Variants in PKM observed in about 807,000 individuals in gnomAD.
PKM encodes the protein pyruvate kinase M1/2.
In PKM, 18 loss-of-function variants were observed where a neutral mutation model predicts 49.8. The observed-to-expected ratio is 0.36, with a 90% CI of 0.25 to 0.54. The LOEUF is 0.54. Among genes scored for constraint, PKM ranks in the 20% least tolerant of loss-of-function variants. PKM has a pLI of 0.89. For synonymous variants in PKM, 239 were observed against 261.8 expected (o/e 0.91, Z 0.84); for missense variants, 508 against 713.8 (o/e 0.71, Z 3.28).
chr15:72,208,291 T>C (rs912889250), intron 6 of PKM, among the ~76,000 whole-genome samples: 10 of 152,188 alleles, frequency 6.6e-5, no homozygotes, highest in African/African-American at 2.2e-4. Context: ...ACACTGGTAG[T>C]GTTTCTGATC....
intron 4 of PKM, chr15:72,210,070 G>A: frequency 1.6e-6 from 1 of 626,700 alleles, no homozygotes; most frequent in Non-Finnish European, 2.8e-6. Context: ...TTAATGATGG[G>A]GAAAAAGATA....
At chr15:72,230,431 C>G (rs1487663920) in intron 1 of PKM, among the ~76,000 whole-genome samples, 1 of 152,172 alleles carries the variant, frequency 6.6e-6, no homozygotes, top group Non-Finnish European at 1.5e-5. Flanking sequence ...TGGGACCGCG[C>G]TCGGAGACCG....
chr15:72,199,611 G>T lies in PKM; in HGVS notation c.*39C>A, dbSNP rs11558374. The stretch of plus-strand genomic sequence containing the variant: ...GGCCTAATGGATGGGCTGGGGGAAG[G>T]GGGTGGGACAGGGGCTGGAGGAGGG... On this transcript the variant is annotated 3_prime_UTR_variant, in exon 11 of 11. Coordinates refer to ENST00000335181, the MANE Select transcript of PKM (RefSeq NM_002654.6). 5.8e-3 allele frequency: 8,136 copies of T among 1,401,414 alleles called. 42 individuals are homozygous for T. The highest frequency in any genetic ancestry group is 0.018 in the Middle Eastern group (102 of 5,648). The allele number at this position is 1,401,414 out of a possible 1,614,324, so 86.8% of individuals were successfully genotyped here.
At chr15:72,231,572 C>G (rs1346964313), upstream of PKM, 2 of 152,556 alleles carry the variant, frequency 1.3e-5, no homozygotes, top group African/African-American at 2.4e-5. Flanking sequence ...GCTCTCGGCC[C>G]AGGCCACCCC....
intron 1 of PKM, 70 bp from the exon 2 acceptor site, chr15:72,219,180 G>C: frequency 7.3e-7 from 1 of 1,378,792 alleles, no homozygotes; most frequent in Middle Eastern, 2.5e-4. Context: ...AGCACAGAAG[G>C]CTGTCTCCTG....
At chr15:72,203,482 C>A in intron 8 of PKM, 1 of 441,004 alleles carries the variant, frequency 2.3e-6, no homozygotes, top group Non-Finnish European at 4.2e-6. Context: ...AGCACCCTGG[C>A]ATGAAAACAT....
At chr15:72,203,245 AGACACAACACAT>A in intron 8 of PKM, 1 of 1,444,146 alleles carries the variant, frequency 6.9e-7, no homozygotes, top group Non-Finnish European at 9.7e-7. Context: ...GAAAAAAACG[AGACACAACACAT>A]GGGAAGACAG....
intron 6 of PKM, among the ~76,000 whole-genome samples, 179 bp downstream of exon 6, chr15:72,208,428 AAAAAACAAAAAAAC>A (rs1429405958): frequency 1.1e-4 from 17 of 152,048 alleles, no homozygotes; most frequent in African/African-American, 4.1e-4. Flanking sequence ...TTTTTTTTAA[AAAAAACAAAAAAAC>A]AAAAACAAAA....
chr15:72,217,245 CAA>C (rs1189383040), intron 3 of PKM, among the ~76,000 whole-genome samples, 162 bp downstream of exon 3: 1 of 152,176 alleles, frequency 6.6e-6, no homozygotes. Context: ...TTTGTCAGGA[CAA>C]GAGGGAAGGA....
Position 72,202,679 on chromosome 15 carries a change from T to C in PKM, c.1141-59A>G. On this transcript the variant is annotated intron_variant, in intron 8 of 10. Transcript: ENST00000335181. The surrounding 1 kb of genome is among the most constrained non-coding windows in gnomAD (Gnocchi z 4.5). Reference sequence around the variant, plus strand: ...GGGGGACAGAGCTTTGTCAGAGCTTTGTCACAAAAGGAGAGGGAGGGGAAG... The same window carrying C: ...GGGGGACAGAGCTTTGTCAGAGCTTCGTCACAAAAGGAGAGGGAGGGGAAG... The C allele has an allele frequency of 6.7e-7, 1 of 1,486,704 alleles. No individual in the cohort carries two copies. Among genetic ancestry groups the C allele is most frequent in the East Asian group, 2.3e-5 (1 of 42,644 alleles). 92.1% of individuals were successfully genotyped at this position (1,486,704 alleles called of 1,614,324 possible).
At chr15:72,230,818 A>C in intron 1 of PKM, 1 of 655,664 alleles carries the variant, frequency 1.5e-6, no homozygotes, top group South Asian at 1.6e-5. Flanking sequence ...ATGGAGGCGC[A>C]TTGAGGATTG....
chr15:72,221,233 T>C (rs763348959), intron 1 of PKM: 63 of 1,535,484 alleles, frequency 4.1e-5, no homozygotes, highest in Non-Finnish European at 5.2e-5. Flanking sequence ...GGTGGCTCCT[T>C]GGCCTCACTA....
At chr15:72,210,814 T>C (rs2082232299) in intron 3 of PKM, among the ~76,000 whole-genome samples, 1 of 152,178 alleles carries the variant, frequency 6.6e-6, no homozygotes, top group Non-Finnish European at 1.5e-5. Context: ...AGGGCTGTTC[T>C]TTTTTCCCTA....
At chr15:72,217,258 G>A in intron 3 of PKM, 151 bp downstream of exon 3, 1 of 660,308 alleles carries the variant, frequency 1.5e-6, no homozygotes, top group South Asian at 1.6e-5. Flanking sequence ...GAGGGAAGGA[G>A]AGTAGGGATG....
chr15:72,227,744 C>CAAAAAAAAAAAAAAA lies in PKM; in HGVS notation c.-14+3357_-14+3371dup, dbSNP rs34876633. Reference sequence around the variant, plus strand: ...CTGGGCAACAAGAGCAAAACTATCTCAAAAAAAAAAAAAAAAAAAAAAAAA... The same window carrying CAAAAAAAAAAAAAAA: ...CTGGGCAACAAGAGCAAAACTATCTCAAAAAAAAAAAAAAAAAAAAAAAAAAAAAAAAAAAAAAAA... On this transcript the variant is annotated intron_variant, in intron 1 of 10. Transcript: ENST00000335181. 3.7e-4 allele frequency among the ~76,000 whole-genome samples: 4 copies of CAAAAAAAAAAAAAAA among 10,808 alleles called. 1 individual carries two copies. The highest frequency in any genetic ancestry group is 7.0e-4 in the Non-Finnish European group (4 of 5,676). The allele number at this position is 10,808 out of a possible 152,430, so 7.1% of individuals were successfully genotyped here.
intron 2 of PKM, among the ~76,000 whole-genome samples, chr15:72,217,872 AG>A (rs1425968318): frequency 6.6e-6 from 1 of 152,252 alleles, no homozygotes; most frequent in Non-Finnish European, 1.5e-5. Context: ...AGACCTGCTA[AG>A]GAAAACATCT....
At position 72,210,019 on chromosome 15, in the gene PKM, CG is replaced by C; in HGVS notation, c.379-161del. On this transcript the variant is annotated intron_variant, in intron 4 of 10. Coordinates refer to ENST00000335181, the MANE Select transcript of PKM (RefSeq NM_002654.6). ...TTATTCTCTAACTCTGTATACTTCA[CG>C]GAAATAATCCAAGAAAAGAATATGT... 6 of 694,028 alleles carry C rather than the reference CG, an allele frequency of 8.6e-6. No individual in the cohort carries two copies. In the South Asian group the frequency reaches 9.3e-5, roughly 11 times the overall value. The allele number at this position is 694,028 out of a possible 1,614,324, so 43.0% of individuals were successfully genotyped here. A position where few individuals can be genotyped will look rare whatever the true frequency, so the allele number is the denominator to read the frequency against.
intron 6 of PKM, 108 bp downstream of exon 6, chr15:72,208,513 G>T: frequency 2.6e-6 from 3 of 1,135,134 alleles, no homozygotes; most frequent in Non-Finnish European, 2.7e-6. Context: ...AACTGGCTTG[G>T]GAGTCTACAT....
Sources: allele counts gnomAD v4.1 joint callset (sites outside exome capture counted in the v4.1 genomes callset), GRCh38; gene constraint gnomAD v4.1.1; non-coding constraint Gnocchi (gnomAD v3.1); transcripts MANE v1.5; gene names NCBI Gene and HGNC (gene_info 2026-07-23, HGNC 2026-07-21).